The following NFIA variants were observed in gnomAD, a reference collection of about 807,000 sequenced individuals.
The protein encoded by NFIA is nuclear factor 1 A-type.
A neutral mutation model predicts 62.8 loss-of-function variants in NFIA; 8 were observed. That is an observed-to-expected ratio of 0.13 (90% confidence interval 0.07 to 0.23). NFIA has a LOEUF of 0.23. Among genes scored for constraint, NFIA ranks in the 10% least tolerant of loss-of-function variants. The pLI, the probability that NFIA is intolerant of heterozygous loss-of-function variation, is 1.00. For missense variants in NFIA, 410 were observed against 642.1 expected, an observed-to-expected ratio of 0.64 and a Z score of 3.91; for synonymous variants, 235 against 238.1, an observed-to-expected ratio of 0.99 and a Z score of 0.12.
At chr1:61,200,068 G>GTATATATATATATATA (rs1368262571) in intron 2 of NFIA, among the ~76,000 whole-genome samples, 1 of 40,304 alleles carries the variant, frequency 2.5e-5, no homozygotes, top group African/African-American at 1.3e-4. Context: ...ATATATATAT[G>GTATATATATATATATA]TATGTATGTT....
chr1:61,189,522 G>C (rs12142164), intron 2 of NFIA, among the ~76,000 whole-genome samples: 11,252 of 152,006 alleles, frequency 0.074, 562 homozygotes, highest in South Asian at 0.13. Context: ...AAAATTAGCT[G>C]GGCATGGTGG....
chr1:61,437,052 C>T (rs1667359173), intron 10 of NFIA, among the ~76,000 whole-genome samples: 1 of 152,174 alleles, frequency 6.6e-6, no homozygotes, highest in Non-Finnish European at 1.5e-5. Context: ...GGGGATGCCA[C>T]CAGGCACAGT....
intron 5 of NFIA, among the ~76,000 whole-genome samples, chr1:61,358,461 A>T (rs949105343): frequency 1.9e-4 from 25 of 128,692 alleles, no homozygotes; most frequent in Non-Finnish European, 3.2e-4. Flanking sequence ...ATCTCGGCTC[A>T]CTGCAACCTC....
rs540161795 is a variant in NFIA, at chr1:61,322,294, A to G, written c.626-10218A>G. Among the ~76,000 whole-genome samples the G allele has an allele frequency of 2.0e-5, 3 of 152,318 alleles. No homozygotes were observed. The East Asian group carries it at 5.8e-4, about 29-fold the overall frequency. ...TGTGGGTTAGGGTAAGTGCTTAGCT[A>G]CTATAACAAAGCAACCAATAAAACG... On this transcript the variant is annotated intron_variant, in intron 3 of 10. Coordinates refer to ENST00000403491, the MANE Select transcript of NFIA (RefSeq NM_001134673.4).
intron 2 of NFIA, among the ~76,000 whole-genome samples, chr1:61,143,787 G>T (rs1325703558): frequency 6.6e-6 from 1 of 152,074 alleles, no homozygotes; most frequent in African/African-American, 2.4e-5. Context: ...GCAAGTGCAG[G>T]GTAAGCTCTG....
chr1:61,394,406 C>A (rs1569746678), intron 7 of NFIA, among the ~76,000 whole-genome samples: 1 of 152,186 alleles, frequency 6.6e-6, no homozygotes, highest in Non-Finnish European at 1.5e-5. Context: ...AACTCCTGAC[C>A]TTGTGATCTG....
chr1:61,081,865 A>G (rs1414479368), upstream of NFIA: 1 of 1,538,752 alleles, frequency 6.5e-7, no homozygotes, highest in Non-Finnish European at 8.7e-7. Context: ...AGAGATTACA[A>G]TGCTTTGAGC....
At chr1:61,335,285 C>A (rs922306071) in intron 4 of NFIA, among the ~76,000 whole-genome samples, 5 of 152,236 alleles carry the variant, frequency 3.3e-5, no homozygotes, top group Non-Finnish European at 5.9e-5. Flanking sequence ...TAGAGATAAT[C>A]TAGGTTTGTC....
intron 10 of NFIA, among the ~76,000 whole-genome samples, chr1:61,453,602 C>T (rs1033384593): frequency 5.9e-5 from 9 of 151,952 alleles, no homozygotes; most frequent in South Asian, 2.1e-4. Context: ...TCAAGAACTA[C>T]CTTAGTGTCA....
At chr1:61,279,267 T>G (rs145276842) in intron 3 of NFIA, among the ~76,000 whole-genome samples, 3 of 152,304 alleles carry the variant, frequency 2.0e-5, no homozygotes, top group East Asian at 3.9e-4. Context: ...TATGTTTCAT[T>G]TCCTACCCAT....
In NFIA at chr1:61,088,697, G is replaced by A. The variant is rs779571825; in HGVS notation, c.559+17G>A. 127 of 1,594,118 alleles carry A rather than the reference G, an allele frequency of 8.0e-5. No homozygotes were observed. The highest frequency in any genetic ancestry group is 1.1e-4 in the Non-Finnish European group (123 of 1,169,602). On this transcript the variant is annotated intron_variant, in intron 2 of 10. Coordinates refer to ENST00000403491, the MANE Select transcript of NFIA (RefSeq NM_001134673.4). This position sits in a 1 kb window ranked among gnomAD's most constrained non-coding sequence, Gnocchi z 4.5. ...ATGCAGCAGGTAAGTGCGATGGTGAGAATTCCTCCCACTTTCTTGTGTGTG... is the reference window on the plus strand; with the variant it reads ...ATGCAGCAGGTAAGTGCGATGGTGAAAATTCCTCCCACTTTCTTGTGTGTG...
At chr1:61,419,460 G>GA (rs1666504138) in intron 9 of NFIA, among the ~76,000 whole-genome samples, 1 of 152,056 alleles carries the variant, frequency 6.6e-6, no homozygotes, top group South Asian at 2.1e-4. Context: ...TTGGCTACAG[G>GA]AAACACTCAC....
chr1:61,421,364 G>A (rs571744869), intron 9 of NFIA, among the ~76,000 whole-genome samples: 7 of 152,284 alleles, frequency 4.6e-5, no homozygotes, highest in Admixed American at 3.9e-4. Context: ...GAAAAAAAAT[G>A]AATCTATTAA....
intron 2 of NFIA, among the ~76,000 whole-genome samples, chr1:61,105,349 A>G (rs1646577998): frequency 6.6e-6 from 1 of 152,022 alleles, no homozygotes; most frequent in South Asian, 2.1e-4. Flanking sequence ...ACACTACAAT[A>G]TGTGTAATAT....
Position 61,458,975 on chromosome 1 carries a change from C to A in NFIA, c.*3655C>A, listed in dbSNP as rs1000570151. ...GTTAAGTATTAAATACACGAAGTTA[C>A]ATTTTTGTTCATGTTTCATTGTCCA... On this transcript the variant is annotated 3_prime_UTR_variant, in exon 11 of 11. Coordinates refer to ENST00000403491, the MANE Select transcript of NFIA (RefSeq NM_001134673.4). 3.3e-5 allele frequency: 5 copies of A among 152,112 alleles called. No homozygotes were observed. Among genetic ancestry groups the A allele is most frequent in the Non-Finnish European group, 7.3e-5 (5 of 68,032 alleles). 9.4% of individuals were successfully genotyped at this position (152,112 alleles called of 1,614,324 possible).
chr1:61,445,339 C>T (rs1447446789), intron 10 of NFIA, among the ~76,000 whole-genome samples: 1 of 152,128 alleles, frequency 6.6e-6, no homozygotes, highest in Non-Finnish European at 1.5e-5. Flanking sequence ...AAGAAGCCTC[C>T]CCCTCATATC....
chr1:61,365,267 A>AT (rs1663526674), intron 6 of NFIA, among the ~76,000 whole-genome samples: 1 of 152,030 alleles, frequency 6.6e-6, no homozygotes, highest in Non-Finnish European at 1.5e-5. Context: ...TCTCCCGGTG[A>AT]TGCTTGTGCA....
chr1:61,354,398 A>G (rs1662717398), intron 5 of NFIA, among the ~76,000 whole-genome samples: 1 of 152,202 alleles, frequency 6.6e-6, no homozygotes, highest in South Asian at 2.1e-4. Flanking sequence ...AGAAATGTTC[A>G]CCGATCAATA....
intron 6 of NFIA, among the ~76,000 whole-genome samples, chr1:61,380,691 T>C (rs552053008): frequency 1.3e-5 from 2 of 152,262 alleles, no homozygotes; most frequent in East Asian, 3.9e-4. Context: ...TCTTTAAAAA[T>C]TGAAAACACA....
Sources: allele counts gnomAD v4.1 joint callset (sites outside exome capture counted in the v4.1 genomes callset), GRCh38; gene constraint gnomAD v4.1.1; non-coding constraint Gnocchi (gnomAD v3.1); transcripts MANE v1.5; gene names NCBI Gene and HGNC (gene_info 2026-07-23, HGNC 2026-07-21).